Variants in AKAP9 observed in about 807,000 individuals in gnomAD.
The protein encoded by AKAP9 is A-kinase anchor protein 9.
A neutral mutation model predicts 488.5 loss-of-function variants in AKAP9; 311 were observed. That is an observed-to-expected ratio of 0.64 (90% CI 0.58 to 0.70). The LOEUF is 0.70. Ranked by LOEUF, AKAP9 falls within the 30% of genes least tolerant of loss-of-function variation. The pLI is 0.00. For synonymous variants in AKAP9, 1,462 were observed against 1,483.5 expected, an observed-to-expected ratio of 0.99 and a Z score of 0.33; for missense variants, 4,215 against 4,374.5, an observed-to-expected ratio of 0.96 and a Z score of 1.03.
At position 92,040,654 on chromosome 7, in the gene AKAP9, T is replaced by G. The variant is rs769592541; in HGVS notation, c.4693-20T>G. The G allele has an allele frequency of 2.7e-6, 4 of 1,469,948 alleles. No homozygotes were observed. The highest frequency in any genetic ancestry group is 1.7e-4 in the Middle Eastern group (1 of 5,784). The allele number at this position is 1,469,948 out of a possible 1,614,324, so 91.1% of individuals were successfully genotyped here. A position where few individuals can be genotyped will look rare whatever the true frequency, so the allele number is the denominator to read the frequency against. On this transcript the variant is annotated intron_variant, in intron 17 of 49. Coordinates refer to ENST00000356239, the MANE Select transcript of AKAP9 (RefSeq NM_005751.5). ...TGTGTTATGGTTGAATTGTTTTTTT[T>G]TTTTTTTTTACTATTAAAGATTCAT...
chr7:92,079,902 A>G lies in AKAP9; in HGVS notation c.7769A>G (p.Asn2590Ser), dbSNP rs1270569126. Residue 2590 changes from asparagine (N) to serine (S), a missense_variant, in exon 31 of 50, where the codon AAT (asparagine) becomes AGT (serine). Coordinates refer to ENST00000356239, the MANE Select transcript of AKAP9 (RefSeq NM_005751.5). ...EPERTNIQNL[N>S]QLREDELGSD... ...GAAAGAACAAATATTCAGAATTTAA[A>G]TCAACTAAGAGAAGATGAGTTGGGG... 2 of 1,613,940 alleles carry G rather than the reference A, an allele frequency of 1.2e-6. No individual in the cohort carries two copies. The highest frequency in any genetic ancestry group is 2.2e-5 in the East Asian group (1 of 44,858).
chr7:92,049,880 G>A (rs752034583), intron 21 of AKAP9, among the ~76,000 whole-genome samples: 3 of 151,800 alleles, frequency 2.0e-5, no homozygotes, highest in East Asian at 1.9e-4. Context: ...TCACTTTCAC[G>A]CACCCTCTTT....
chr7:91,979,248 C>G (rs541298393), intron 2 of AKAP9, among the ~76,000 whole-genome samples: 2 of 152,090 alleles, frequency 1.3e-5, no homozygotes, highest in Admixed American at 6.5e-5. Flanking sequence ...CACAGTTCCA[C>G]GTGGCTGGTG....
chr7:91,944,874 T>C (rs1216135818), intron 1 of AKAP9, among the ~76,000 whole-genome samples: 2 of 152,198 alleles, frequency 1.3e-5, no homozygotes, highest in South Asian at 4.1e-4. Flanking sequence ...TGGGATTATA[T>C]TGTTAGACAT....
chr7:91,982,526 C>CT (rs905530603), intron 3 of AKAP9, among the ~76,000 whole-genome samples: 3 of 152,064 alleles, frequency 2.0e-5, no homozygotes, highest in African/African-American at 7.2e-5. Flanking sequence ...TGAACTCATC[C>CT]TTTTTTATGG....
intron 38 of AKAP9, 74 bp from the exon 39 acceptor site, chr7:92,093,023 C>T (rs1815901827): frequency 7.7e-7 from 1 of 1,306,892 alleles, no homozygotes; most frequent in East Asian, 2.4e-5. Context: ...CAAATCAGTT[C>T]TTATCAACAA....
chr7:92,061,570 A>G (rs1809795294), intron 23 of AKAP9, 148 bp downstream of exon 23: 2 of 421,112 alleles, frequency 4.7e-6, no homozygotes, highest in East Asian at 5.3e-5. Context: ...AGTTCCTCCA[A>G]GCAATTTTTA....
At chr7:92,095,266 C>G in intron 40 of AKAP9, 93 bp downstream of exon 40, 1 of 1,390,406 alleles carries the variant, frequency 7.2e-7, no homozygotes, top group South Asian at 1.2e-5. Flanking sequence ...CAACCTTAGA[C>G]TTCTTAATAA....
chr7:92,029,793 C>T, intron 14 of AKAP9, 102 bp from the exon 15 acceptor site: 2 of 923,278 alleles, frequency 2.2e-6, no homozygotes, highest in South Asian at 1.3e-5. Flanking sequence ...TCATTTTTGT[C>T]TCCCATGCCC....
At chr7:92,070,770 T>C in intron 27 of AKAP9, 135 bp from the exon 28 acceptor site, 1 of 663,870 alleles carries the variant, frequency 1.5e-6, no homozygotes, top group Non-Finnish European at 2.5e-6. Flanking sequence ...AAGTAGACTT[T>C]CTACTTCTAA....
intron 28 of AKAP9, among the ~76,000 whole-genome samples, chr7:92,076,120 C>T (rs376450549): frequency 6.6e-5 from 10 of 152,250 alleles, no homozygotes; most frequent in African/African-American, 2.2e-4. Context: ...TGTTACTGTC[C>T]TCAGTCAAAA....
chr7:92,007,182 A>G (rs768046158), intron 8 of AKAP9, among the ~76,000 whole-genome samples: 4 of 152,092 alleles, frequency 2.6e-5, no homozygotes, highest in African/African-American at 7.2e-5. Flanking sequence ...AACCATTGCA[A>G]AGACAAAAAG....
At chr7:92,108,384 A>T in intron 48 of AKAP9, 110 bp from the exon 49 acceptor site, 1 of 983,866 alleles carries the variant, frequency 1.0e-6, no homozygotes, top group South Asian at 1.3e-5. Context: ...GAGATACATT[A>T]TGTGTGTACA....
At chr7:91,989,000 C>G (rs1797449168) in intron 3 of AKAP9, among the ~76,000 whole-genome samples, 1 of 152,088 alleles carries the variant, frequency 6.6e-6, no homozygotes, top group East Asian at 1.9e-4. Flanking sequence ...AAGTAGTTCA[C>G]AAAATAAGCT....
chr7:91,946,841 A>C (rs1654255366), intron 1 of AKAP9, among the ~76,000 whole-genome samples: 2 of 152,306 alleles, frequency 1.3e-5, no homozygotes, highest in African/African-American at 4.8e-5. Flanking sequence ...AATGGAACAA[A>C]AATTTTTTCA....
intron 15 of AKAP9, among the ~76,000 whole-genome samples, chr7:92,030,264 G>A (rs1056497655): frequency 6.6e-6 from 1 of 152,096 alleles, no homozygotes; most frequent in African/African-American, 2.4e-5. Context: ...TGTAACATGT[G>A]GGCTATGTAC....
chr7:91,978,174 G>A (rs1412298335), intron 2 of AKAP9, among the ~76,000 whole-genome samples: 1 of 151,050 alleles, frequency 6.6e-6, no homozygotes, highest in South Asian at 2.1e-4. Flanking sequence ...CCTGGGAGGC[G>A]GAGGTTGCAG....
Position 92,038,530 on chromosome 7 carries a change from GAAC to G in AKAP9, c.4455_4457del (p.Gln1485del), listed in dbSNP as rs762970708. ...GCAAGCACATGCTGTGTGTCAGCAAGAACAACATTATTTTAATGAAATGAAATT... is the reference window on the plus strand; with the variant it reads ...GCAAGCACATGCTGTGTGTCAGCAAGAACATTATTTTAATGAAATGAAATT... On this transcript the variant is annotated inframe_deletion, in exon 17 of 50. Coordinates refer to ENST00000356239, the MANE Select transcript of AKAP9 (RefSeq NM_005751.5). 7 of 1,613,836 alleles carry G rather than the reference GAAC, an allele frequency of 4.3e-6. No individual in the cohort carries two copies. The highest frequency in any genetic ancestry group is 2.2e-5 in the East Asian group (1 of 44,812).
At chr7:92,091,786 T>C (rs753525024) in intron 38 of AKAP9, among the ~76,000 whole-genome samples, 20 of 152,144 alleles carry the variant, frequency 1.3e-4, no homozygotes, top group Non-Finnish European at 2.5e-4. Context: ...TAGAACACCA[T>C]TGAAAGCTTA....
Sources: allele counts gnomAD v4.1 joint callset (sites outside exome capture counted in the v4.1 genomes callset), GRCh38; gene constraint gnomAD v4.1.1; transcripts MANE v1.5; gene names NCBI Gene and HGNC (gene_info 2026-07-23, HGNC 2026-07-21).